Variants in PTCHD4 observed in about 807,000 individuals in gnomAD.
PTCHD4 encodes patched domain-containing protein 4.
Under a neutral mutation model 58.1 loss-of-function variants are expected in PTCHD4, and 33 were observed. That is an observed-to-expected ratio of 0.57 (90% CI 0.43 to 0.76). The LOEUF (loss-of-function observed/expected upper bound fraction) is 0.76. Among genes scored for constraint, PTCHD4 ranks in the 30% least tolerant of loss-of-function variants. The pLI, the probability that PTCHD4 is intolerant of heterozygous loss-of-function variation, is 0.00. For missense variants in PTCHD4, 1,058 were observed against 1,027.1 expected, an observed-to-expected ratio of 1.03 and a Z score of -0.41; for synonymous variants, 478 against 409.6, an observed-to-expected ratio of 1.17 and a Z score of -2.02.
At chr6:47,981,992 G>C (rs567656648) in intron 4 of PTCHD4, among the ~76,000 whole-genome samples, 2 of 152,118 alleles carry the variant, frequency 1.3e-5, no homozygotes, top group Admixed American at 1.3e-4. Context: ...CCCAAGACTT[G>C]CCACGACTTC....
In PTCHD4 at chr6:47,871,596, G is replaced by A. The variant is rs1260597881; in HGVS notation, c.*6707C>T. 6.6e-6 allele frequency among the ~76,000 whole-genome samples: 1 copy of A among 151,618 alleles called. No homozygotes were observed. The highest frequency in any genetic ancestry group is 2.4e-5 in the African/African-American group (1 of 41,372). ...AATGTATAAGTGGGACTGCATATAG[G>A]AGTGCTCATTTTACATTTTGCCTTG... On this transcript the variant is annotated 3_prime_UTR_variant, in exon 5 of 5. Transcript: ENST00000339488.
chr6:47,949,153 C>T (rs780870459), intron 4 of PTCHD4, among the ~76,000 whole-genome samples: 11 of 152,242 alleles, frequency 7.2e-5, no homozygotes, highest in Non-Finnish European at 1.5e-4. Context: ...GATGGATTGG[C>T]CTGTGCCTGG....
intron 4 of PTCHD4, among the ~76,000 whole-genome samples, chr6:47,897,940 CTTTTTTTTTTTT>C (rs67063892): frequency 2.4e-4 from 18 of 76,358 alleles, no homozygotes; most frequent in South Asian, 1.8e-3. Flanking sequence ...TTCTTTCTTT[CTTTTTTTTTTTT>C]TTTTTTTTTT....
Position 48,059,328 on chromosome 6 carries a change from G to A in PTCHD4, c.417+8902C>T, listed in dbSNP as rs114812405. Among the ~76,000 whole-genome samples, 626 of 152,226 alleles carry A rather than the reference G, an allele frequency of 4.1e-3. 3 individuals are homozygous for A. Among genetic ancestry groups the A allele is most frequent in the African/African-American group, 0.014 (574 of 41,548 alleles). ...AATACTGTAAGGTAAGGGCTATTAT[G>A]AGGGAAGTGTTACAAAGAAGTTAAA... On this transcript the variant is annotated intron_variant, in intron 3 of 4. Coordinates refer to ENST00000339488, the MANE Select transcript of PTCHD4 (RefSeq NM_001384253.1).
chr6:48,103,555 A>G (rs930972988), intron 1 of PTCHD4, among the ~76,000 whole-genome samples: 3 of 152,204 alleles, frequency 2.0e-5, no homozygotes, highest in Non-Finnish European at 4.4e-5. Context: ...CTCCTCCTCC[A>G]AAGGAACGCA....
At chr6:48,102,983 A>T (rs1002370633) in intron 1 of PTCHD4, among the ~76,000 whole-genome samples, 3 of 152,228 alleles carry the variant, frequency 2.0e-5, no homozygotes, top group Admixed American at 2.0e-4. Flanking sequence ...AGCCCACCAC[A>T]GCTCAAAGGG....
Position 47,883,207 on chromosome 6 carries a change from T to C in PTCHD4, c.899-3271A>G, listed in dbSNP as rs150534415. ...ATAAGGGTAAACAAGGAACACAATC[T>C]TTTTCAACAACTGTCCAGAAAGTCA... On this transcript the variant is annotated intron_variant, in intron 4 of 4. Transcript: ENST00000339488. 1.7e-3 allele frequency among the ~76,000 whole-genome samples: 262 copies of C among 152,202 alleles called. 2 individuals are homozygous for C. The highest frequency in any genetic ancestry group is 5.9e-3 in the African/African-American group (244 of 41,574).
intron 4 of PTCHD4, among the ~76,000 whole-genome samples, chr6:47,889,262 A>T (rs1440404664): frequency 1.0e-5 from 1 of 99,558 alleles, no homozygotes; most frequent in Non-Finnish European, 2.0e-5. Context: ...GAACTAGTTT[A>T]CAGTCCCACC....
chr6:47,906,863 C>G (rs1764904273), intron 4 of PTCHD4, among the ~76,000 whole-genome samples: 1 of 152,086 alleles, frequency 6.6e-6, no homozygotes, highest in Admixed American at 6.6e-5. Context: ...GGGGAGCCCA[C>G]TTATAGAGTT....
chr6:48,105,910 A>G lies in PTCHD4; in HGVS notation c.-970+5139T>C, dbSNP rs181898128. 1.4e-4 allele frequency among the ~76,000 whole-genome samples: 21 copies of G among 152,328 alleles called. No individual in the cohort carries two copies. In the East Asian group the frequency reaches 3.9e-3, roughly 28 times the overall value. On this transcript the variant is annotated intron_variant, in intron 1 of 4. Transcript: ENST00000339488. ...CCAAGACTAAACCAGGAAGAAGTTG[A>G]ATCTCTGAAGAGACCAATAGCAAGC...
Position 47,865,856 on chromosome 6 carries a change from C to T in PTCHD4, c.*12447G>A, listed in dbSNP as rs1418805184. 6.6e-6 allele frequency among the ~76,000 whole-genome samples: 1 copy of T among 151,830 alleles called. No individual in the cohort carries two copies. The highest frequency in any genetic ancestry group is 2.4e-5 in the African/African-American group (1 of 41,382). On this transcript the variant is annotated 3_prime_UTR_variant, in exon 5 of 5. Coordinates refer to ENST00000339488, the MANE Select transcript of PTCHD4 (RefSeq NM_001384253.1). ...TATAAATTCTGCAGCATGATGTTTG[C>T]AGGTCCTTATATGAAACTTTCTGGT...
chr6:48,006,389 T>C (rs555719254), intron 4 of PTCHD4, among the ~76,000 whole-genome samples: 4 of 152,348 alleles, frequency 2.6e-5, no homozygotes, highest in African/African-American at 7.2e-5. Context: ...TTTTATGGAA[T>C]ATGTAATTGT....
At position 48,069,121 on chromosome 6, in the gene PTCHD4, G is replaced by A. The variant is rs940880015; in HGVS notation, c.-164C>T. On this transcript the variant is annotated 5_prime_UTR_variant, in exon 2 of 5. Transcript: ENST00000339488. ...ACCATGTGCCTCGGTGTTGTAAGAA[G>A]CAGACATGTGCCCCATAAAGGGGGG... 1.4e-4 allele frequency among the ~76,000 whole-genome samples: 17 copies of A among 124,866 alleles called. No individual in the cohort carries two copies. The highest frequency in any genetic ancestry group is 2.3e-4 in the Non-Finnish European group (14 of 60,954). 81.9% of individuals were successfully genotyped at this position (124,866 alleles called of 152,430 possible). A position where few individuals can be genotyped will look rare whatever the true frequency, so the allele number is the denominator to read the frequency against.
intron 1 of PTCHD4, among the ~76,000 whole-genome samples, chr6:48,071,454 A>C (rs1764973094): frequency 1.3e-5 from 2 of 152,192 alleles, no homozygotes; most frequent in African/African-American, 4.8e-5. Flanking sequence ...AAAAAGATGA[A>C]AGATGCATTA....
chr6:47,886,484 T>TA (rs1554149651), intron 4 of PTCHD4, among the ~76,000 whole-genome samples: 51 of 151,166 alleles, frequency 3.4e-4, no homozygotes, highest in Middle Eastern at 3.4e-3. Flanking sequence ...AAATAGAGGT[T>TA]AAAAAAAAAT....
intron 3 of PTCHD4, among the ~76,000 whole-genome samples, chr6:48,046,848 C>A (rs533748720): frequency 6.6e-6 from 1 of 151,792 alleles, no homozygotes; most frequent in Non-Finnish European, 1.5e-5. Context: ...CTCTTTGGGG[C>A]ATATTAAAAC....
rs888488050 is a variant in PTCHD4 at position 47,856,872 on chromosome 6, A to G, written c.*21431T>C. ...TTCTAATATAAAAAAGCATATAGTCATCAACCTTTATATAAATCCATATAT... is the reference window on the plus strand; with the variant it reads ...TTCTAATATAAAAAAGCATATAGTCGTCAACCTTTATATAAATCCATATAT... On this transcript the variant is annotated 3_prime_UTR_variant, in exon 5 of 5. Transcript: ENST00000339488. 6.6e-6 allele frequency among the ~76,000 whole-genome samples: 1 copy of G among 152,078 alleles called. No individual in the cohort carries two copies. The highest frequency in any genetic ancestry group is 1.5e-5 in the Non-Finnish European group (1 of 67,984).
rs188174957 is a variant in PTCHD4 at position 48,039,470 on chromosome 6, G to C, written c.417+28760C>G. On this transcript the variant is annotated intron_variant, in intron 3 of 4. Coordinates refer to ENST00000339488, the MANE Select transcript of PTCHD4 (RefSeq NM_001384253.1). ...GAGAGGAGGTGAAAGTATGTTTCTG[G>C]GGACAGATGCCAGAGAGATACTGAG... is the stretch of plus-strand genomic sequence containing the variant. Among the ~76,000 whole-genome samples, 18 of 152,162 alleles carry C rather than the reference G, an allele frequency of 1.2e-4. No homozygotes were observed. In the East Asian group the frequency reaches 3.5e-3, roughly 29 times the overall value.
chr6:47,955,731 A>G (rs1458161135), intron 4 of PTCHD4, among the ~76,000 whole-genome samples: 1 of 152,252 alleles, frequency 6.6e-6, no homozygotes, highest in African/African-American at 2.4e-5. Context: ...ACTTGTGGTT[A>G]CATACATGTA....
Sources: allele counts gnomAD v4.1 joint callset (sites outside exome capture counted in the v4.1 genomes callset), GRCh38; gene constraint gnomAD v4.1.1; transcripts MANE v1.5; gene names NCBI Gene and HGNC (gene_info 2026-07-23, HGNC 2026-07-21).